Variants in LRRTM4 observed in about 807,000 individuals in gnomAD.
LRRTM4 encodes the protein leucine rich repeat transmembrane neuronal 4.
LRRTM4 carries 25 observed loss-of-function variants against 47.6 expected under a neutral mutation model. That is an observed-to-expected ratio of 0.53 (90% CI 0.38 to 0.73). The LOEUF (loss-of-function observed/expected upper bound fraction) is 0.73. Among genes scored for constraint, LRRTM4 ranks in the 30% least tolerant of loss-of-function variants. LRRTM4 has a pLI of 0.00. For missense variants in LRRTM4, 638 were observed against 713.4 expected (o/e 0.89, Z 1.20); for synonymous variants, 311 against 269.5 (o/e 1.15, Z -1.51).
chr2:76,863,004 A>G (rs1672363605), intron 3 of LRRTM4, among the ~76,000 whole-genome samples: 2 of 152,188 alleles, frequency 1.3e-5, no homozygotes, highest in Non-Finnish European at 2.9e-5. Context: ...ATGGAATTTA[A>G]AAGCATATGT....
chr2:77,220,752 G>T (rs1674598366), intron 3 of LRRTM4, among the ~76,000 whole-genome samples: 1 of 152,196 alleles, frequency 6.6e-6, no homozygotes, highest in Non-Finnish European at 1.5e-5. Context: ...AAGTGATGGG[G>T]AGAATGGAAC....
chr2:77,454,766 G>A (rs1676457416), intron 3 of LRRTM4, among the ~76,000 whole-genome samples: 1 of 152,138 alleles, frequency 6.6e-6, no homozygotes, highest in Non-Finnish European at 1.5e-5. Context: ...ACTCAATAAT[G>A]TATCATCAGC....
chr2:77,244,232 C>T (rs895941755), intron 3 of LRRTM4, among the ~76,000 whole-genome samples: 16 of 138,740 alleles, frequency 1.2e-4, no homozygotes, highest in African/African-American at 3.9e-4. Flanking sequence ...AATAAACATA[C>T]GTGTGCATGT....
At chr2:76,778,739 GT>G (rs1674177451) in intron 3 of LRRTM4, among the ~76,000 whole-genome samples, 1 of 150,586 alleles carries the variant, frequency 6.6e-6, no homozygotes, top group Non-Finnish European at 1.5e-5. Context: ...TTTTTGAAGG[GT>G]TTTTTGTGTC....
chr2:77,213,622 A>G (rs1363144840), intron 3 of LRRTM4, among the ~76,000 whole-genome samples: 4 of 152,330 alleles, frequency 2.6e-5, no homozygotes, highest in Admixed American at 2.0e-4. Flanking sequence ...AAGATAAGAA[A>G]GACTTCTCTG....
chr2:77,052,139 C>T (rs1331637986), intron 3 of LRRTM4, among the ~76,000 whole-genome samples: 11 of 142,608 alleles, frequency 7.7e-5, no homozygotes, highest in Middle Eastern at 3.7e-3. Context: ...AAAAAAATAC[C>T]GTTACATTTC....
At chr2:77,333,304 G>A (rs1285732824) in intron 3 of LRRTM4, among the ~76,000 whole-genome samples, 2 of 152,168 alleles carry the variant, frequency 1.3e-5, no homozygotes, top group Non-Finnish European at 2.9e-5. Flanking sequence ...AACAGGCAGA[G>A]GTTGGAACAG....
chr2:76,985,191 TA>T (rs1409961568), intron 3 of LRRTM4, among the ~76,000 whole-genome samples: 1 of 151,934 alleles, frequency 6.6e-6, no homozygotes. Context: ...GATTATTTTG[TA>T]AAAAAACATG....
At position 77,125,733 on chromosome 2, in the gene LRRTM4, A is replaced by G. The variant is rs1191659575; in HGVS notation, c.1552-376817T>C. On this transcript the variant is annotated intron_variant, in intron 3 of 3. Transcript: ENST00000409884. Reference sequence around the variant, plus strand: ...AAATATAAACAAATTTAACCTCACCACTAGAAAATTTAGATACCATTCCTA... The same window carrying G: ...AAATATAAACAAATTTAACCTCACCGCTAGAAAATTTAGATACCATTCCTA... 2.0e-5 allele frequency among the ~76,000 whole-genome samples: 3 copies of G among 152,188 alleles called. No individual in the cohort carries two copies. The East Asian group carries it at 5.8e-4, about 29-fold the overall frequency.
At chr2:77,265,773 T>C (rs1210741239) in intron 3 of LRRTM4, among the ~76,000 whole-genome samples, 4 of 152,264 alleles carry the variant, frequency 2.6e-5, no homozygotes, top group East Asian at 1.9e-4. Context: ...AGTTTTACTA[T>C]ATTAAAAAGT....
At chr2:77,386,453 ATT>A (rs1297811376) in intron 3 of LRRTM4, among the ~76,000 whole-genome samples, 2 of 152,070 alleles carry the variant, frequency 1.3e-5, no homozygotes, top group Non-Finnish European at 2.9e-5. Flanking sequence ...TAAACTCATT[ATT>A]TTTTATGGCT....
At chr2:76,864,596 G>A (rs915710088) in intron 3 of LRRTM4, among the ~76,000 whole-genome samples, 3 of 150,926 alleles carry the variant, frequency 2.0e-5, no homozygotes, top group Admixed American at 6.6e-5. Context: ...GGTGGCGGAG[G>A]TTGCAGTGAG....
intron 3 of LRRTM4, among the ~76,000 whole-genome samples, chr2:76,892,085 GAATTT>G (rs1234490899): frequency 6.6e-6 from 1 of 151,476 alleles, no homozygotes; most frequent in Non-Finnish European, 1.5e-5. Context: ...TACTAAAACT[GAATTT>G]AAAATACAAA....
intron 3 of LRRTM4, among the ~76,000 whole-genome samples, chr2:77,224,581 C>T (rs1392247354): frequency 1.3e-5 from 2 of 152,172 alleles, no homozygotes; most frequent in Non-Finnish European, 2.9e-5. Context: ...CAAAAGAAGA[C>T]ATTTATGCAG....
chr2:77,041,853 C>T (rs753662199), intron 3 of LRRTM4, among the ~76,000 whole-genome samples: 31 of 149,932 alleles, frequency 2.1e-4, no homozygotes, highest in Non-Finnish European at 3.6e-4. Flanking sequence ...GACTTTTGCA[C>T]TGACCTAATA....
chr2:76,939,505 T>C (rs1159205265), intron 3 of LRRTM4, among the ~76,000 whole-genome samples: 2 of 152,048 alleles, frequency 1.3e-5, no homozygotes, highest in Admixed American at 6.6e-5. Context: ...CAATTCCTGG[T>C]TGGAAAGCTC....
intron 3 of LRRTM4, among the ~76,000 whole-genome samples, chr2:77,010,129 A>G (rs1382944125): frequency 6.6e-6 from 1 of 152,016 alleles, no homozygotes; most frequent in East Asian, 1.9e-4. Context: ...AGAAGTATCT[A>G]TTTTTGTGGT....
chr2:77,255,306 A>G (rs1675734237), intron 3 of LRRTM4, among the ~76,000 whole-genome samples: 1 of 152,000 alleles, frequency 6.6e-6, no homozygotes, highest in African/African-American at 2.4e-5. Flanking sequence ...GAAATAGGCT[A>G]ATGCACAATT....
At chr2:77,321,448 A>G (rs983038495) in intron 3 of LRRTM4, among the ~76,000 whole-genome samples, 2 of 151,562 alleles carry the variant, frequency 1.3e-5, no homozygotes, top group African/African-American at 2.4e-5. Context: ...GGTCTCCCAT[A>G]CAGGGGACAT....
Sources: allele counts gnomAD v4.1 joint callset (sites outside exome capture counted in the v4.1 genomes callset), GRCh38; gene constraint gnomAD v4.1.1; transcripts MANE v1.5; gene names NCBI Gene and HGNC (gene_info 2026-07-23, HGNC 2026-07-21).